CDC42SE2: variants seen among roughly 807,000 people sequenced by gnomAD.
CDC42SE2 encodes the protein CDC42 small effector 2, also known as CDC42 small effector protein 2.
A neutral mutation model predicts 11.5 loss-of-function variants in CDC42SE2; 3 were observed. The ratio of observed to expected loss-of-function variants is 0.26; its 90% CI spans 0.12 to 0.67. The LOEUF (loss-of-function observed/expected upper bound fraction) is 0.67. CDC42SE2 is among the 30% of genes least tolerant of loss of function. The pLI, the probability that CDC42SE2 is intolerant of heterozygous loss-of-function variation, is 0.80. For missense variants in CDC42SE2, 82 were observed against 106.8 expected, an observed-to-expected ratio of 0.77 and a Z score of 1.02; for synonymous variants, 33 against 34.8, an observed-to-expected ratio of 0.95 and a Z score of 0.18.
chr5:131,257,758 G>A (rs371865123), intron 2 of CDC42SE2, among the ~76,000 whole-genome samples: 1 of 152,122 alleles, frequency 6.6e-6, no homozygotes, highest in East Asian at 1.9e-4. Flanking sequence ...GATTACAGGG[G>A]TAAGCCACCG....
chr5:131,284,671 G>T (rs1757305385), intron 1 of CDC42SE2, among the ~76,000 whole-genome samples: 1 of 151,886 alleles, frequency 6.6e-6, no homozygotes, highest in African/African-American at 2.4e-5. Flanking sequence ...ATAGGGTCTT[G>T]CTCTGTTGCC....
chr5:131,214,059 G>A, the CDC42SE2 span, among the ~76,000 whole-genome samples: 1 of 152,108 alleles, frequency 6.6e-6, no homozygotes. Context: ...TGAAACTAGT[G>A]CTAATTAGCA....
the CDC42SE2 span, among the ~76,000 whole-genome samples, chr5:131,211,736 C>T: frequency 6.6e-6 from 1 of 152,124 alleles, no homozygotes; most frequent in Non-Finnish European, 1.5e-5. Flanking sequence ...AATCCCAGAA[C>T]TTTTGGAGGA....
At chr5:131,300,782 CA>C (rs1436586334) in intron 1 of CDC42SE2, among the ~76,000 whole-genome samples, 1,861 of 87,362 alleles carry the variant, frequency 0.021, 24 homozygotes, top group African/African-American at 0.056. Flanking sequence ...GACTCCGTCT[CA>C]AAAAAAAAAA....
At chr5:131,248,434 G>A (rs1014355422) in intron 1 of CDC42SE2, among the ~76,000 whole-genome samples, 1 of 152,188 alleles carries the variant, frequency 6.6e-6, no homozygotes, top group South Asian at 2.1e-4. Flanking sequence ...ACCATGCCCG[G>A]CAGAAGCATT....
chr5:131,277,995 C>T (rs369685272), intron 1 of CDC42SE2, among the ~76,000 whole-genome samples: 4 of 151,918 alleles, frequency 2.6e-5, no homozygotes, highest in Admixed American at 6.5e-5. Context: ...TTCATCTATT[C>T]CCCCCACTTT....
rs1183836678 is a variant in CDC42SE2, at chr5:131,394,456, T to C, written c.*3365T>C. On this transcript the variant is annotated 3_prime_UTR_variant, in exon 5 of 5. Coordinates refer to ENST00000505065, the MANE Select transcript of CDC42SE2 (RefSeq NM_001375635.1). Reference sequence around the variant, plus strand: ...ATTAGCTTTCACTTTGTTGTTAAATTATAGCAGACTCATTATAGAGAACAA... The same window carrying C: ...ATTAGCTTTCACTTTGTTGTTAAATCATAGCAGACTCATTATAGAGAACAA... 1.3e-5 allele frequency: 2 copies of C among 152,368 alleles called. No homozygotes were observed. The highest frequency in any genetic ancestry group is 4.8e-5 in the African/African-American group (2 of 41,456). The allele number at this position is 152,368 out of a possible 1,614,324, so 9.4% of individuals were successfully genotyped here. A position where few individuals can be genotyped will look rare whatever the true frequency, so the allele number is the denominator to read the frequency against.
At chr5:131,315,780 A>G (rs962387785) in intron 1 of CDC42SE2, among the ~76,000 whole-genome samples, 196 bp from the exon 2 acceptor site, 1 of 152,158 alleles carries the variant, frequency 6.6e-6, no homozygotes, top group Non-Finnish European at 1.5e-5. Flanking sequence ...ATAAATTTAT[A>G]TGGTGGGAAA....
At chr5:131,278,633 C>T (rs1757155242) in intron 1 of CDC42SE2, among the ~76,000 whole-genome samples, 2 of 145,916 alleles carry the variant, frequency 1.4e-5, no homozygotes. Flanking sequence ...CAGCAGACCA[C>T]TGGCAGTGGG....
chr5:131,267,054 A>G (rs1020576328), intron 1 of CDC42SE2, among the ~76,000 whole-genome samples: 1 of 72,456 alleles, frequency 1.4e-5, no homozygotes, highest in Non-Finnish European at 2.6e-5. Context: ...CAGAACTCAT[A>G]ATTTTTTTTT....
At chr5:131,293,621 A>G (rs1319968972) in intron 1 of CDC42SE2, among the ~76,000 whole-genome samples, 5 of 151,578 alleles carry the variant, frequency 3.3e-5, no homozygotes. Context: ...TGAATCCACC[A>G]GTGCCTTGAT....
the CDC42SE2 span, among the ~76,000 whole-genome samples, chr5:131,227,812 A>G: frequency 2.0e-5 from 3 of 152,252 alleles, no homozygotes; most frequent in Non-Finnish European, 2.9e-5. Flanking sequence ...TGGGAGGCCA[A>G]GGTGGGCAGA....
At chr5:131,273,989 G>A (rs1262925041) in intron 1 of CDC42SE2, among the ~76,000 whole-genome samples, 3 of 151,928 alleles carry the variant, frequency 2.0e-5, no homozygotes, top group Non-Finnish European at 2.9e-5. Context: ...TGTTGCCCAG[G>A]CTGGTCTTGG....
intron 1 of CDC42SE2, among the ~76,000 whole-genome samples, chr5:131,306,646 T>TA: frequency 6.6e-6 from 1 of 152,334 alleles, no homozygotes; most frequent in Admixed American, 6.5e-5. Flanking sequence ...GGAATTTTGA[T>TA]AGAGATTGCA....
chr5:131,345,928 C>A (rs895562626), intron 2 of CDC42SE2, among the ~76,000 whole-genome samples: 8 of 151,050 alleles, frequency 5.3e-5, no homozygotes, highest in Non-Finnish European at 7.4e-5. Context: ...GAAATAAAAT[C>A]CTTTACAGAC....
chr5:131,222,383 A>G, the CDC42SE2 span, among the ~76,000 whole-genome samples: 1 of 152,214 alleles, frequency 6.6e-6, no homozygotes, highest in East Asian at 1.9e-4. Context: ...TCTGTCCCTC[A>G]GTTTCCTCAT....
chr5:131,330,280 C>T (rs944087280), intron 2 of CDC42SE2, among the ~76,000 whole-genome samples: 16 of 152,146 alleles, frequency 1.1e-4, no homozygotes, highest in Non-Finnish European at 4.4e-5. Flanking sequence ...AGATCCAAGC[C>T]TTGTTCTGTA....
At chr5:131,319,864 AAG>A (rs1208705311) in intron 2 of CDC42SE2, among the ~76,000 whole-genome samples, 13 of 151,572 alleles carry the variant, frequency 8.6e-5, no homozygotes, top group Middle Eastern at 3.4e-3. Context: ...ATCCTGGCTA[AAG>A]CAGTGAAACC....
chr5:131,247,696 C>T (rs1468010629), intron 1 of CDC42SE2, among the ~76,000 whole-genome samples: 1 of 152,132 alleles, frequency 6.6e-6, no homozygotes, highest in East Asian at 1.9e-4. Context: ...GGCTGGAGTG[C>T]AGTGGCGGGA....
Sources: gnomAD v4.1 joint callset for allele counts (sites outside exome capture counted in the v4.1 genomes callset) on GRCh38, gnomAD v4.1.1 for gene constraint, MANE v1.5 for transcripts, NCBI Gene and HGNC (gene_info 2026-07-23, HGNC 2026-07-21) for gene names.